Variants in AGBL1 observed in about 807,000 individuals in gnomAD.
AGBL1 encodes the protein AGBL carboxypeptidase 1, also known as cytosolic carboxypeptidase 4.
In AGBL1, 130 loss-of-function variants were observed where a neutral mutation model predicts 118.9. The ratio of observed to expected loss-of-function variants is 1.09; its 90% confidence interval spans 0.95 to 1.26. AGBL1 has a LOEUF of 1.26. Ranked by LOEUF, AGBL1 falls within the 50% of genes most tolerant of loss-of-function variation. AGBL1 has a pLI of 0.00. For missense variants in AGBL1, 1,584 were observed against 1,298.1 expected (o/e 1.22, Z -3.38); for synonymous variants, 555 against 478.9 (o/e 1.16, Z -2.08).
chr15:86,572,942 C>T (rs1316628705), intron 21 of AGBL1, among the ~76,000 whole-genome samples: 2 of 152,238 alleles, frequency 1.3e-5, no homozygotes, highest in African/African-American at 2.4e-5. Flanking sequence ...AATAGAGCAG[C>T]CTTAAGAATC....
intron 22 of AGBL1, among the ~76,000 whole-genome samples, chr15:86,721,875 G>C (rs547118380): frequency 3.9e-5 from 6 of 152,252 alleles, no homozygotes; most frequent in Non-Finnish European, 8.8e-5. Context: ...GATCAACAGA[G>C]AGCCAAATCA....
chr15:86,827,396 TAC>T (rs1427741309), intron 22 of AGBL1, among the ~76,000 whole-genome samples: 7 of 8,758 alleles, frequency 8.0e-4, no homozygotes, highest in African/African-American at 7.0e-3. Context: ...CATATATATA[TAC>T]ATATATATAT....
intron 18 of AGBL1, among the ~76,000 whole-genome samples, chr15:86,475,125 A>G (rs1186764108): frequency 6.6e-6 from 1 of 152,234 alleles, no homozygotes; most frequent in African/African-American, 2.4e-5. Context: ...AAGTGGGGAA[A>G]AAACAGAGCA....
chr15:86,308,479 C>G (rs1416338895), intron 17 of AGBL1, among the ~76,000 whole-genome samples: 1 of 152,174 alleles, frequency 6.6e-6, no homozygotes, highest in Non-Finnish European at 1.5e-5. Flanking sequence ...CTTCCAGCCT[C>G]CAAAACCGTT....
intron 4 of AGBL1, 122 bp downstream of exon 4, chr15:86,154,683 C>T: frequency 8.2e-7 from 1 of 1,222,870 alleles, no homozygotes; most frequent in Non-Finnish European, 1.1e-6. Flanking sequence ...GTGGTCCCAG[C>T]CAGATAAATA....
intron 21 of AGBL1, among the ~76,000 whole-genome samples, chr15:86,608,326 A>G (rs1417416141): frequency 1.3e-5 from 2 of 152,192 alleles, no homozygotes; most frequent in Non-Finnish European, 2.9e-5. Context: ...CTAGAACCAA[A>G]GCAGAGAAGA....
chr15:86,454,851 C>A (rs1189730236), intron 18 of AGBL1, among the ~76,000 whole-genome samples: 1 of 152,088 alleles, frequency 6.6e-6, no homozygotes, highest in Non-Finnish European at 1.5e-5. Flanking sequence ...TCAAACTACG[C>A]TTTAGATGGG....
At chr15:86,372,572 A>G (rs1186867326) in intron 17 of AGBL1, among the ~76,000 whole-genome samples, 12 of 152,246 alleles carry the variant, frequency 7.9e-5, no homozygotes, top group Admixed American at 6.5e-4. Flanking sequence ...ACATATGCAC[A>G]TGTTTGCATA....
intron 17 of AGBL1, among the ~76,000 whole-genome samples, chr15:86,366,594 G>A (rs942714501): frequency 6.6e-6 from 1 of 152,102 alleles, no homozygotes; most frequent in Non-Finnish European, 1.5e-5. Context: ...ATCTATCCTG[G>A]CATCACCCGT....
chr15:86,143,416 A>G (rs1274465288), intron 2 of AGBL1, among the ~76,000 whole-genome samples: 1 of 152,200 alleles, frequency 6.6e-6, no homozygotes, highest in African/African-American at 2.4e-5. Flanking sequence ...GTATACATAC[A>G]TATACTGAAT....
At chr15:86,612,274 CAA>C (rs2084668155) in intron 21 of AGBL1, among the ~76,000 whole-genome samples, 1 of 152,030 alleles carries the variant, frequency 6.6e-6, no homozygotes, top group Non-Finnish European at 1.5e-5. Flanking sequence ...TATGCCACCC[CAA>C]AATATGCTAG....
At chr15:86,141,835 G>T (rs984689307) in intron 1 of AGBL1, among the ~76,000 whole-genome samples, 169 bp from the exon 2 acceptor site, 1 of 152,156 alleles carries the variant, frequency 6.6e-6, no homozygotes, top group Non-Finnish European at 1.5e-5. Flanking sequence ...TATGGAGGGA[G>T]GCACAGCCCC....
intron 9 of AGBL1, among the ~76,000 whole-genome samples, chr15:86,262,418 G>A (rs930495514): frequency 9.2e-5 from 14 of 152,072 alleles, no homozygotes; most frequent in Non-Finnish European, 1.8e-4. Context: ...AAATGTCAAA[G>A]ATAGATAAAG....
chr15:86,895,906 T>G (rs192841868), intron 22 of AGBL1, among the ~76,000 whole-genome samples: 129 of 152,176 alleles, frequency 8.5e-4, no homozygotes, highest in Middle Eastern at 3.4e-3. Flanking sequence ...TTCCTATTTT[T>G]TTCTGGTTTC....
intron 22 of AGBL1, among the ~76,000 whole-genome samples, chr15:86,703,427 C>T (rs879752653): frequency 2.3e-4 from 35 of 152,136 alleles, no homozygotes; most frequent in East Asian, 7.7e-4. Context: ...TTTCCATTTC[C>T]GAGTCCATCA....
chr15:86,956,282 A>G lies in AGBL1; in HGVS notation c.3222-31705A>G, dbSNP rs563684413. Among the ~76,000 whole-genome samples the G allele has an allele frequency of 5.9e-5, 9 of 152,104 alleles. No homozygotes were observed. The South Asian group carries it at 1.9e-3, about 32-fold the overall frequency. On this transcript the variant is annotated intron_variant, in intron 23 of 24. Transcript: ENST00000441037. The stretch of plus-strand genomic sequence containing the variant: ...ATAGATTAGATAGATGATAGAGATG[A>G]TGGATGATATAGATAGATATAGATA...
intron 17 of AGBL1, among the ~76,000 whole-genome samples, chr15:86,337,363 A>G (rs1218695063): frequency 6.6e-6 from 1 of 152,172 alleles, no homozygotes; most frequent in Non-Finnish European, 1.5e-5. Context: ...AGGAAGGAAA[A>G]GAAGGAAGGA....
chr15:86,147,392 TG>T (rs1375401534), intron 3 of AGBL1, among the ~76,000 whole-genome samples: 2 of 152,036 alleles, frequency 1.3e-5, no homozygotes, highest in Non-Finnish European at 2.9e-5. Context: ...CCTGGAAAAA[TG>T]GGGGCACTCT....
At chr15:86,936,524 C>T (rs1166057759) in intron 23 of AGBL1, among the ~76,000 whole-genome samples, 1 of 152,136 alleles carries the variant, frequency 6.6e-6, no homozygotes, top group Non-Finnish European at 1.5e-5. Context: ...TAAAATATTT[C>T]TTCTCTGACA....
Sources: allele counts gnomAD v4.1 joint callset (sites outside exome capture counted in the v4.1 genomes callset), GRCh38; gene constraint gnomAD v4.1.1; transcripts MANE v1.5; gene names NCBI Gene and HGNC (gene_info 2026-07-23, HGNC 2026-07-21).